Variants in SDK1 observed in about 807,000 individuals in gnomAD.
SDK1 encodes the protein sidekick cell adhesion molecule 1.
Under a neutral mutation model 245.5 loss-of-function variants are expected in SDK1, and 157 were observed. The observed-to-expected ratio is 0.64, with a 90% confidence interval of 0.56 to 0.73. SDK1 has a LOEUF of 0.73. Ranked by LOEUF, SDK1 falls within the 30% of genes least tolerant of loss-of-function variation. SDK1 has a pLI of 0.00. For synonymous variants in SDK1, 1,647 were observed against 1,278.5 expected (o/e 1.29, Z -6.15); for missense variants, 3,583 against 3,002.3 (o/e 1.19, Z -4.52).
rs1015382915 is a variant in SDK1 at position 3,672,638 on chromosome 7, AAT to A, written c.713+30540_713+30541del. Among the ~76,000 whole-genome samples the A allele has an allele frequency of 3.1e-3, 430 of 140,970 alleles. 3 individuals carry two copies. Among genetic ancestry groups the A allele is most frequent in the African/African-American group, 0.011 (414 of 38,346 alleles). The allele number at this position is 140,970 out of a possible 152,430, so 92.5% of individuals were successfully genotyped here. On this transcript the variant is annotated intron_variant, in intron 4 of 44. Coordinates refer to ENST00000404826, the MANE Select transcript of SDK1 (RefSeq NM_152744.4). Reference sequence around the variant, plus strand: ...ATATAATATATAATAATATATATTAAATATATATTAAATAAATATTAAATTTA... The same window carrying A: ...ATATAATATATAATAATATATATTAAATATATTAAATAAATATTAAATTTA...
intron 6 of SDK1, 50 bp downstream of exon 6, chr7:3,951,084 T>A (rs1362295717): frequency 2.2e-6 from 3 of 1,341,792 alleles, no homozygotes; most frequent in Non-Finnish European, 3.2e-6. Flanking sequence ...CCATGACCTG[T>A]GACGAGCCGA....
intron 14 of SDK1, among the ~76,000 whole-genome samples, chr7:3,993,244 A>C (rs1784474821): frequency 6.6e-6 from 1 of 152,232 alleles, no homozygotes; most frequent in Non-Finnish European, 1.5e-5. Flanking sequence ...CCTAGTTCTC[A>C]AACTGAGCCT....
At chr7:3,696,311 T>G (rs1784570599) in intron 4 of SDK1, among the ~76,000 whole-genome samples, 1 of 152,036 alleles carries the variant, frequency 6.6e-6, no homozygotes, top group African/African-American at 2.4e-5. Flanking sequence ...AATCACGTGA[T>G]CTCTGCTTGT....
rs112108547 is a variant in SDK1 at position 3,310,074 on chromosome 7, C to T, written c.298+8190C>T. Among the ~76,000 whole-genome samples, 31 of 152,276 alleles carry T rather than the reference C, an allele frequency of 2.0e-4. 2 individuals carry two copies. The highest frequency in any genetic ancestry group is 5.2e-4 in the Admixed American group (8 of 15,300). ...ACTAGAGCCACATGCTCAAAAGCTCCCGGGTACTGTCCTTTTGGCCATCAT... is the reference window on the plus strand; with the variant it reads ...ACTAGAGCCACATGCTCAAAAGCTCTCGGGTACTGTCCTTTTGGCCATCAT... On this transcript the variant is annotated intron_variant, in intron 1 of 44. Transcript: ENST00000404826.
chr7:3,436,585 T>A (rs1414273716), intron 1 of SDK1, among the ~76,000 whole-genome samples: 1 of 152,184 alleles, frequency 6.6e-6, no homozygotes, highest in African/African-American at 2.4e-5. Context: ...AAATTTTAAA[T>A]AGAAAATGAA....
intron 1 of SDK1, among the ~76,000 whole-genome samples, chr7:3,540,470 A>G (rs1779022928): frequency 6.6e-6 from 1 of 152,190 alleles, no homozygotes; most frequent in African/African-American, 2.4e-5. Flanking sequence ...AGTGGAAGAA[A>G]AATAATCCTT....
At chr7:4,016,281 C>G (rs996155480) in intron 16 of SDK1, among the ~76,000 whole-genome samples, 1 of 152,228 alleles carries the variant, frequency 6.6e-6, no homozygotes, top group African/African-American at 2.4e-5. Context: ...GGAGCCACTT[C>G]TGGGATAGAA....
intron 1 of SDK1, among the ~76,000 whole-genome samples, chr7:3,552,581 G>A (rs1387742203): frequency 3.9e-5 from 6 of 152,134 alleles, no homozygotes; most frequent in African/African-American, 9.7e-5. Context: ...GCTGGACCAC[G>A]TTTTAGAGAG....
chr7:3,701,924 C>CAAAAAAAAAAAAAA (rs58687135), intron 4 of SDK1, among the ~76,000 whole-genome samples: 6 of 85,708 alleles, frequency 7.0e-5, no homozygotes, highest in Middle Eastern at 8.6e-3. Flanking sequence ...CGTGCATAAG[C>CAAAAAAAAAAAAAA]AAAAAAAAAA....
At chr7:3,531,791 TA>T (rs907066734) in intron 1 of SDK1, among the ~76,000 whole-genome samples, 1 of 152,212 alleles carries the variant, frequency 6.6e-6, no homozygotes, top group Non-Finnish European at 1.5e-5. Context: ...CTGAACAATG[TA>T]AAGTGTTACA....
At chr7:3,407,187 C>T (rs17133277) in intron 1 of SDK1, among the ~76,000 whole-genome samples, 3 of 152,262 alleles carry the variant, frequency 2.0e-5, no homozygotes, top group African/African-American at 4.8e-5. Flanking sequence ...TTTCCTGCTT[C>T]GTTCACAACC....
intron 1 of SDK1, among the ~76,000 whole-genome samples, chr7:3,543,181 G>T (rs1174048478): frequency 6.6e-6 from 1 of 152,230 alleles, no homozygotes; most frequent in African/African-American, 2.4e-5. Flanking sequence ...ACAAAATAAT[G>T]TTTCTACCAC....
chr7:3,419,019 C>G (rs1308832145), intron 1 of SDK1, among the ~76,000 whole-genome samples: 1 of 152,150 alleles, frequency 6.6e-6, no homozygotes, highest in African/African-American at 2.4e-5. Flanking sequence ...GTCGTAACTC[C>G]TTTTTCCTGA....
chr7:3,907,326 C>G (rs1009154661), intron 5 of SDK1, among the ~76,000 whole-genome samples: 11 of 152,308 alleles, frequency 7.2e-5, no homozygotes, highest in African/African-American at 1.9e-4. Flanking sequence ...GCTTTTCTGC[C>G]TAGTGTCTCT....
intron 35 of SDK1, among the ~76,000 whole-genome samples, chr7:4,193,053 A>G (rs949362337): frequency 7.1e-6 from 1 of 140,846 alleles, no homozygotes; most frequent in Non-Finnish European, 1.5e-5. Context: ...ACAAAAATAT[A>G]TAATATATAT....
intron 4 of SDK1, among the ~76,000 whole-genome samples, chr7:3,793,592 TAG>T (rs1778875305): frequency 6.6e-6 from 1 of 152,226 alleles, no homozygotes; most frequent in Non-Finnish European, 1.5e-5. Context: ...GTCGATTCTA[TAG>T]CTGTTGTCAG....
At chr7:3,494,610 G>C (rs17133442) in intron 1 of SDK1, among the ~76,000 whole-genome samples, 56,126 of 152,028 alleles carry the variant, frequency 0.37, 10,816 homozygotes, top group African/African-American at 0.48. Flanking sequence ...AGCATTTATT[G>C]TTCCTGTCTA....
intron 5 of SDK1, among the ~76,000 whole-genome samples, chr7:3,901,935 G>A (rs909858077): frequency 9.9e-5 from 15 of 152,074 alleles, no homozygotes; most frequent in African/African-American, 3.4e-4. Context: ...TGGCTGCTGG[G>A]CATGGTTTCA....
intron 5 of SDK1, among the ~76,000 whole-genome samples, chr7:3,857,407 G>C (rs1780574091): frequency 6.6e-6 from 1 of 152,192 alleles, no homozygotes; most frequent in African/African-American, 2.4e-5. Flanking sequence ...GACAGGCTGG[G>C]TGTGACGGCT....
Sources: allele counts gnomAD v4.1 joint callset (sites outside exome capture counted in the v4.1 genomes callset), GRCh38; gene constraint gnomAD v4.1.1; transcripts MANE v1.5; gene names NCBI Gene and HGNC (gene_info 2026-07-23, HGNC 2026-07-21).